Variants in WNK1 observed in about 807,000 individuals in gnomAD.
WNK1 encodes the protein serine/threonine-protein kinase WNK1.
A neutral mutation model predicts 222.8 loss-of-function variants in WNK1; 38 were observed. That is an observed-to-expected ratio of 0.17 (90% CI 0.13 to 0.22). The LOEUF (loss-of-function observed/expected upper bound fraction) is 0.22. Ranked by LOEUF, WNK1 falls within the 10% of genes least tolerant of loss-of-function variation. The pLI is 1.00. For missense variants in WNK1, 2,348 were observed against 2,918.4 expected, an observed-to-expected ratio of 0.80 and a Z score of 4.50; for synonymous variants, 1,090 against 1,092.9, an observed-to-expected ratio of 1.00 and a Z score of 0.05.
chr12:889,937 C>A (rs1462659230), intron 21 of WNK1, among the ~76,000 whole-genome samples: 2 of 145,940 alleles, frequency 1.4e-5, no homozygotes, highest in African/African-American at 5.0e-5. Flanking sequence ...GAAATTCATT[C>A]TTTTAAAATG....
intron 4 of WNK1, among the ~76,000 whole-genome samples, chr12:847,298 T>C (rs1443792854): frequency 6.6e-6 from 1 of 152,194 alleles, no homozygotes; most frequent in East Asian, 1.9e-4. Flanking sequence ...TTTTCTGATA[T>C]ACTGTAAATA....
chr12:827,216 C>T lies in WNK1; in HGVS notation c.1107C>T (p.Leu369=), dbSNP rs754115608. ...GPTGSVKIGD[L]GLATLKRASF... ...CTGGCTCAGTCAAGATTGGAGACCT[C>T]GGTCTGGCAACCCTGAAGCGGGCTT... Residue 369 remains leucine, a synonymous_variant, in exon 3 of 28, where the codon CTC becomes CTT. Transcript: ENST00000315939. The surrounding 1 kb of genome is among the most constrained non-coding windows in gnomAD (Gnocchi z 4.6). The T allele has an allele frequency of 1.1e-5, 17 of 1,614,080 alleles. No individual in the cohort carries two copies. Among genetic ancestry groups the T allele is most frequent in the African/African-American group, 9.3e-5 (7 of 74,934 alleles).
At chr12:888,537 A>G (rs1423707543) in intron 20 of WNK1, among the ~76,000 whole-genome samples, 1 of 152,208 alleles carries the variant, frequency 6.6e-6, no homozygotes, top group African/African-American at 2.4e-5. Context: ...AAGCCAAGAC[A>G]GATGTAGGAT....
At chr12:906,346 A>G in intron 26 of WNK1, 1 of 985,394 alleles carries the variant, frequency 1.0e-6, no homozygotes, top group Non-Finnish European at 1.2e-6. Context: ...GAAATCAGGC[A>G]GGCATAGACT....
chr12:848,703 A>G (rs540209588), intron 4 of WNK1, among the ~76,000 whole-genome samples: 1 of 152,210 alleles, frequency 6.6e-6, no homozygotes, highest in East Asian at 1.9e-4. Flanking sequence ...GGAAATAATG[A>G]CACGATTGAA....
At position 753,359 on chromosome 12, in the gene WNK1, G is replaced by T. The variant is rs1591538886; in HGVS notation, c.-207G>T. ...CGAGCCCTCCTCGTGAGCCGCAGCA[G>T]CCTCGGTGCCAGCCCCCGCCGCAGC... On this transcript the variant is annotated 5_prime_UTR_variant, in exon 1 of 28. Coordinates refer to ENST00000315939, the MANE Select transcript of WNK1 (RefSeq NM_018979.4). The surrounding 1 kb of genome is among the most constrained non-coding windows in gnomAD (Gnocchi z 5.2). 1 of 640,678 alleles carries T rather than the reference G, an allele frequency of 1.6e-6. No homozygotes were observed. The highest frequency in any genetic ancestry group is 1.9e-5 in the African/African-American group (1 of 52,962). 39.7% of individuals were successfully genotyped at this position (640,678 alleles called of 1,614,324 possible).
In WNK1 at chr12:889,222, G is replaced by C. The variant is rs1315079574; in HGVS notation, c.5447G>C (p.Gly1816Ala). Residue 1816 changes from glycine to alanine, a missense_variant and splice_region_variant, in exon 21 of 28, where the codon GGT becomes GCT. By Grantham distance (60) the Gly-to-Ala change is moderately conservative. Around this residue, in one of 13 missense-constraint regions of WNK1, gnomAD observed 1,144 missense variants for 1,273.6 expected, o/e 0.90. Coordinates refer to ENST00000315939, the MANE Select transcript of WNK1 (RefSeq NM_018979.4). ...PEMITVTSAV[G>A]PVSMAAPTAI... The stretch of plus-strand genomic sequence containing the variant: ...ATGATCACAGTGACTTCTGCGGTTG[G>C]TGTAAGTTTTGAAAATCTTGATAAA... The C allele has an allele frequency of 1.9e-6, 3 of 1,613,720 alleles. No individual in the cohort carries two copies. The highest frequency in any genetic ancestry group is 1.1e-5 in the South Asian group (1 of 91,070).
Position 757,358 on chromosome 12 carries a change from GC to G in WNK1, c.759+3035del, listed in dbSNP as rs779420841. Among the ~76,000 whole-genome samples the G allele has an allele frequency of 1.0e-3, 16 of 15,806 alleles. 1 individual carries two copies. Among genetic ancestry groups the G allele is most frequent in the East Asian group, 8.6e-3 (1 of 116 alleles). The allele number at this position is 15,806 out of a possible 152,430, so 10.4% of individuals were successfully genotyped here. A position where few individuals can be genotyped will look rare whatever the true frequency, so the allele number is the denominator to read the frequency against. ...TAAAAAAAAAAAGAGACGGAGTCTT[GC>G]TCTATCTCCAGGCTAGAGTGCAGTG... is the stretch of plus-strand genomic sequence containing the variant. On this transcript the variant is annotated intron_variant, in intron 1 of 27. Transcript: ENST00000315939.
Position 885,921 on chromosome 12 carries a change from C to G in WNK1, c.5117C>G (p.Thr1706Ser). ...GCACCAAGCAAACTCCTGACTTCTA[C>G]CACAAGTACTTGCTTACCACCAACC... ...AVAPSKLLTS[T>S]TSTCLPPTNL... The change falls in exon 19 of 28, where the codon ACC becomes AGC. Residue 1706 changes from threonine to serine, a missense_variant. This residue lies in a region of WNK1 where 1,144 missense variants were observed against 1,273.6 expected (regional missense o/e 0.90). Coordinates refer to ENST00000315939, the MANE Select transcript of WNK1 (RefSeq NM_018979.4). 6.2e-7 allele frequency: 1 copy of G among 1,604,192 alleles called. No individual in the cohort carries two copies. Among genetic ancestry groups the G allele is most frequent in the Non-Finnish European group, 8.5e-7 (1 of 1,174,204 alleles).
chr12:815,131 G>T (rs1170424059), intron 2 of WNK1, among the ~76,000 whole-genome samples: 1 of 152,148 alleles, frequency 6.6e-6, no homozygotes, highest in Non-Finnish European at 1.5e-5. Context: ...CTCACCTCCT[G>T]CTGTGTGGCC....
chr12:883,686 T>C (rs1007175533), intron 16 of WNK1, 88 bp from the exon 17 acceptor site: 2 of 1,596,918 alleles, frequency 1.3e-6, no homozygotes, highest in Admixed American at 3.3e-5. Flanking sequence ...CAACAAACTT[T>C]TATGTTCTCT....
rs1286234417 is a variant in WNK1 at position 827,338 on chromosome 12, G to A, written c.1153+76G>A. ...TATTTAGAATCCTGGCTCTGTCAGA[G>A]TTTTAAGTGATATAAACCTTAAGAA... On this transcript the variant is annotated intron_variant, in intron 3 of 27. Coordinates refer to ENST00000315939, the MANE Select transcript of WNK1 (RefSeq NM_018979.4). The surrounding 1 kb of genome is among the most constrained non-coding windows in gnomAD (Gnocchi z 4.6). 2 of 1,320,448 alleles carry A rather than the reference G, an allele frequency of 1.5e-6. No individual in the cohort carries two copies. Among genetic ancestry groups the A allele is most frequent in the African/African-American group, 1.4e-5 (1 of 69,154 alleles). The allele number at this position is 1,320,448 out of a possible 1,614,324, so 81.8% of individuals were successfully genotyped here. A position where few individuals can be genotyped will look rare whatever the true frequency, so the allele number is the denominator to read the frequency against.
chr12:815,989 C>G (rs1947307619), intron 2 of WNK1, among the ~76,000 whole-genome samples: 1 of 152,218 alleles, frequency 6.6e-6, no homozygotes, highest in South Asian at 2.1e-4. Context: ...AACTTATACT[C>G]TGGGATTTTA....
Position 864,110 on chromosome 12 carries a change from G to GTTTTTTTTTTTTT in WNK1, c.2139+1845_2139+1857dup, listed in dbSNP as rs372936466. ...ACCCTGTGCCTGAACATTTTTTTAA[G>GTTTTTTTTTTTTT]TTTTTTTTTTTTTTTTTGACAGCGT... On this transcript the variant is annotated intron_variant, in intron 8 of 27. Transcript: ENST00000315939. Among the ~76,000 whole-genome samples the GTTTTTTTTTTTTT allele has an allele frequency of 1.8e-4, 22 of 124,576 alleles. 2 individuals carry two copies. The highest frequency in any genetic ancestry group is 5.1e-4 in the African/African-American group (17 of 33,084). 81.7% of individuals were successfully genotyped at this position (124,576 alleles called of 152,430 possible). A position where few individuals can be genotyped will look rare whatever the true frequency, so the allele number is the denominator to read the frequency against.
chr12:794,014 T>C (rs1229672027), intron 1 of WNK1, among the ~76,000 whole-genome samples: 1 of 152,196 alleles, frequency 6.6e-6, no homozygotes, highest in East Asian at 1.9e-4. Context: ...AACCATATAA[T>C]ATGTGATCTC....
intron 1 of WNK1, among the ~76,000 whole-genome samples, chr12:785,515 A>C (rs1348645701): frequency 6.8e-6 from 1 of 147,296 alleles, no homozygotes; most frequent in African/African-American, 2.5e-5. Context: ...GTTCTGCCTC[A>C]GCCTCCCGAG....
At chr12:809,302 CTCCATGGAGAA>C (rs1055201385) in intron 1 of WNK1, among the ~76,000 whole-genome samples, 2 of 141,932 alleles carry the variant, frequency 1.4e-5, no homozygotes, top group African/African-American at 5.3e-5. Context: ...AGGTAAAAGT[CTCCATGGAGAA>C]GCAGGGGATG....
intron 21 of WNK1, among the ~76,000 whole-genome samples, 168 bp downstream of exon 21, chr12:889,391 T>G (rs1187135513): frequency 6.6e-6 from 1 of 152,256 alleles, no homozygotes; most frequent in Non-Finnish European, 1.5e-5. Context: ...TCATGCTGAC[T>G]CAGGAGTATC....
rs373239410 is a variant in WNK1, at chr12:884,097, G to A, written c.3722-24G>A. ...TATAATAATAATGCTATTAAGTTACGTTTGTTTGTTTGTTTTTGACCAGGC... is the reference window on the plus strand; with the variant it reads ...TATAATAATAATGCTATTAAGTTACATTTGTTTGTTTGTTTTTGACCAGGC... On this transcript the variant is annotated intron_variant, in intron 17 of 27. Coordinates refer to ENST00000315939, the MANE Select transcript of WNK1 (RefSeq NM_018979.4). The surrounding 1 kb of genome is among the most constrained non-coding windows in gnomAD (Gnocchi z 5.6). 30 of 1,608,032 alleles carry A rather than the reference G, an allele frequency of 1.9e-5. No individual in the cohort carries two copies. The highest frequency in any genetic ancestry group is 1.6e-4 in the African/African-American group (12 of 74,692).
Sources: gnomAD v4.1 joint callset for allele counts (sites outside exome capture counted in the v4.1 genomes callset) on GRCh38, gnomAD v4.1.1 for gene constraint, gnomAD v4.1.1 regional missense constraint, Gnocchi (gnomAD v3.1) non-coding constraint, MANE v1.5 for transcripts, NCBI Gene and HGNC (gene_info 2026-07-23, HGNC 2026-07-21) for gene names.